The following GFRAL variants were observed in gnomAD, a reference collection of about 807,000 sequenced individuals.
The protein encoded by GFRAL is GDNF family receptor alpha-like.
GFRAL carries 36 observed loss-of-function variants against 45.4 expected under a neutral mutation model. The observed-to-expected ratio is 0.79, with a 90% CI of 0.61 to 1.05. The LOEUF (loss-of-function observed/expected upper bound fraction) is 1.05, where lower values mean the gene tolerates loss of function less well. Among genes scored for constraint, GFRAL ranks in the 50% least tolerant of loss-of-function variants. The pLI, the probability that GFRAL is intolerant of heterozygous loss-of-function variation, is 0.00. For missense variants in GFRAL, 507 were observed against 467.5 expected, an observed-to-expected ratio of 1.08 and a Z score of -0.78; for synonymous variants, 166 against 154.1, an observed-to-expected ratio of 1.08 and a Z score of -0.57.
Position 55,359,030 on chromosome 6 carries a change from A to G in GFRAL, c.844A>G (p.Ile282Val). ...TGACTGCAAAGCTGCTTACATAGAT[A>G]TCCTTGGGACGGTCCTTCAAGTGCA... ...SDDCKAAYID[I>V]LGTVLQVQCT... Residue 282 changes from isoleucine to valine, a missense_variant, in exon 6 of 9, where the codon ATC becomes GTC. Ile to Val is a conservative substitution (Grantham distance 29). Transcript: ENST00000340465. 6.2e-7 allele frequency: 1 copy of G among 1,613,058 alleles called. No homozygotes were observed. The highest frequency in any genetic ancestry group is 1.7e-5 in the Admixed American group (1 of 59,842).
chr6:55,338,709 A>T (rs1767922152), intron 3 of GFRAL, among the ~76,000 whole-genome samples: 1 of 152,138 alleles, frequency 6.6e-6, no homozygotes, highest in South Asian at 2.1e-4. Flanking sequence ...AACAAAATGG[A>T]TAATTTAAGC....
intron 5 of GFRAL, among the ~76,000 whole-genome samples, chr6:55,352,481 G>A (rs772572906): frequency 1.3e-5 from 2 of 151,996 alleles, no homozygotes; most frequent in African/African-American, 2.4e-5. Context: ...GCTTATGAGC[G>A]ACAGCAAGAT....
intron 6 of GFRAL, among the ~76,000 whole-genome samples, chr6:55,395,173 A>ATATAT (rs35935725): frequency 8.7e-5 from 9 of 103,548 alleles, no homozygotes; most frequent in East Asian, 2.6e-4. Context: ...AAAAAAAAAA[A>ATATAT]AAATATATAT....
At chr6:55,345,875 G>A in intron 3 of GFRAL, among the ~76,000 whole-genome samples, 1 of 152,190 alleles carries the variant, frequency 6.6e-6, no homozygotes, top group Middle Eastern at 3.2e-3. Flanking sequence ...CAAAAAGTGA[G>A]TGAAGGATAT....
intron 6 of GFRAL, among the ~76,000 whole-genome samples, chr6:55,397,646 G>A (rs1768844968): frequency 6.6e-6 from 1 of 150,994 alleles, no homozygotes; most frequent in Non-Finnish European, 1.5e-5. Flanking sequence ...GCTGCTTTCT[G>A]ACCCACTCTG....
At chr6:55,343,961 A>G (rs1243719811) in intron 3 of GFRAL, among the ~76,000 whole-genome samples, 4 of 152,212 alleles carry the variant, frequency 2.6e-5, no homozygotes, top group African/African-American at 7.2e-5. Context: ...TCCTGGATGC[A>G]TACACTCTAC....
At chr6:55,368,043 A>G (rs989522884) in intron 6 of GFRAL, among the ~76,000 whole-genome samples, 2 of 148,682 alleles carry the variant, frequency 1.3e-5, no homozygotes, top group Admixed American at 1.3e-4. Flanking sequence ...GTGTTTTCCA[A>G]CTTGGTTCCA....
At chr6:55,366,804 G>C (rs1768370994) in intron 6 of GFRAL, among the ~76,000 whole-genome samples, 2 of 116,886 alleles carry the variant, frequency 1.7e-5, no homozygotes, top group Non-Finnish European at 3.4e-5. Flanking sequence ...TGGTCTGAGA[G>C]ATAGTTTGTT....
chr6:55,379,527 A>T (rs1768577794), intron 6 of GFRAL, among the ~76,000 whole-genome samples: 1 of 151,564 alleles, frequency 6.6e-6, no homozygotes, highest in African/African-American at 2.4e-5. Context: ...TTTTAAATTG[A>T]TATAAAAATT....
intron 3 of GFRAL, among the ~76,000 whole-genome samples, chr6:55,338,795 G>C (rs1197427335): frequency 1.3e-5 from 2 of 152,154 alleles, no homozygotes; most frequent in Non-Finnish European, 2.9e-5. Flanking sequence ...GAATGGAAAA[G>C]TATTTAACAC....
intron 5 of GFRAL, among the ~76,000 whole-genome samples, chr6:55,358,390 A>G (rs1406021397): frequency 6.6e-6 from 1 of 151,992 alleles, no homozygotes; most frequent in Non-Finnish European, 1.5e-5. Context: ...CAGAAATTTT[A>G]TACCTCACAA....
chr6:55,350,436 A>G (rs2127354992), intron 4 of GFRAL, among the ~76,000 whole-genome samples: 1 of 152,238 alleles, frequency 6.6e-6, no homozygotes, highest in East Asian at 1.9e-4. Flanking sequence ...GTACTGTGGG[A>G]GGCTGAGGTA....
chr6:55,377,151 A>G (rs1768546262), intron 6 of GFRAL, among the ~76,000 whole-genome samples: 1 of 151,978 alleles, frequency 6.6e-6, no homozygotes, highest in South Asian at 2.1e-4. Context: ...AATTGTACCA[A>G]ATAATTTGCC....
intron 3 of GFRAL, among the ~76,000 whole-genome samples, chr6:55,342,612 C>A (rs1482125876): frequency 5.3e-5 from 8 of 152,036 alleles, no homozygotes; most frequent in Non-Finnish European, 1.2e-4. Flanking sequence ...GAAGAAACTG[C>A]ATCAACCAAC....
chr6:55,344,057 CA>C (rs555106250), intron 3 of GFRAL, among the ~76,000 whole-genome samples: 47 of 150,652 alleles, frequency 3.1e-4, no homozygotes, highest in Non-Finnish European at 6.1e-4. Flanking sequence ...GCCTACCAAC[CA>C]AAAAAAAAGT....
chr6:55,389,143 A>T (rs1042185863), intron 6 of GFRAL, among the ~76,000 whole-genome samples: 2 of 152,166 alleles, frequency 1.3e-5, no homozygotes, highest in African/African-American at 4.8e-5. Context: ...TTTGTTATAC[A>T]GGTAGACTTA....
intron 6 of GFRAL, 43 bp downstream of exon 6, chr6:55,359,181 T>C (rs754168504): frequency 7.9e-6 from 12 of 1,519,588 alleles, no homozygotes; most frequent in East Asian, 4.5e-5. Context: ...TATCTATCTA[T>C]CTATCATCTA....
chr6:55,371,908 C>T (rs937976080), intron 6 of GFRAL, among the ~76,000 whole-genome samples: 1 of 152,134 alleles, frequency 6.6e-6, no homozygotes, highest in Non-Finnish European at 1.5e-5. Flanking sequence ...CTTTCACAGA[C>T]AAATTTTCCA....
intron 6 of GFRAL, among the ~76,000 whole-genome samples, chr6:55,368,986 G>C (rs571568399): frequency 6.6e-6 from 1 of 152,050 alleles, no homozygotes; most frequent in Admixed American, 6.5e-5. Context: ...GGAGCTTCCC[G>C]GCTGCTTTGT....
Sources: gnomAD v4.1 joint callset for allele counts (sites outside exome capture counted in the v4.1 genomes callset) on GRCh38, gnomAD v4.1.1 for gene constraint, MANE v1.5 for transcripts, NCBI Gene and HGNC (gene_info 2026-07-23, HGNC 2026-07-21) for gene names.